MGAM: variants seen among roughly 807,000 people sequenced by gnomAD.
MGAM encodes the protein alpha-1,4-glucosidase.
A neutral mutation model predicts 358.8 loss-of-function variants in MGAM; 253 were observed. That is an observed-to-expected ratio of 0.71 (90% CI 0.64 to 0.78). The LOEUF (loss-of-function observed/expected upper bound fraction) is 0.78, where lower values mean the gene tolerates loss of function less well. Ranked by LOEUF, MGAM falls within the 30% of genes least tolerant of loss-of-function variation. The pLI, the probability that MGAM is intolerant of heterozygous loss-of-function variation, is 0.00. For missense variants in MGAM, 3,080 were observed against 3,432.6 expected (o/e 0.90, Z 2.57); for synonymous variants, 1,105 against 1,227.1 (o/e 0.90, Z 2.08).
chr7:142,050,176 A>T, intron 22 of MGAM, 59 bp from the exon 23 acceptor site: 1 of 1,548,034 alleles, frequency 6.5e-7, no homozygotes, highest in Non-Finnish European at 8.9e-7. Context: ...TGGTAGGGTG[A>T]AATCTGTTCT....
In MGAM at chr7:142,099,815, C is replaced by A. The variant is rs551996606; in HGVS notation, c.7874+78C>A. On this transcript the variant is annotated intron_variant, in intron 67 of 70. Coordinates refer to ENST00000475668, the MANE Select transcript of MGAM (RefSeq NM_001365693.1). ...GTAATGAAGTCCACCAAAATGTAAG[C>A]ATCACTCTCAAACCCACATGCAATT... 5.7e-5 allele frequency: 89 copies of A among 1,557,220 alleles called. 1 individual carries two copies. The African/African-American group carries it at 1.1e-3, about 19-fold the overall frequency.
intron 68 of MGAM, 148 bp from the exon 69 acceptor site, chr7:142,102,482 A>T: frequency 1.4e-6 from 1 of 736,942 alleles, no homozygotes; most frequent in Non-Finnish European, 2.2e-6. Flanking sequence ...TTTAAAATAG[A>T]ACACTCAAAA....
chr7:142,010,911 C>T (rs961226080), intron 3 of MGAM, among the ~76,000 whole-genome samples: 7 of 152,108 alleles, frequency 4.6e-5, no homozygotes, highest in East Asian at 1.9e-4. Flanking sequence ...AATTCCAGAA[C>T]GCAGAGTTGA....
intron 10 of MGAM, 60 bp downstream of exon 10, chr7:142,027,795 A>C (rs77930853): frequency 0.045 from 64,708 of 1,432,654 alleles, 1,675 homozygotes; most frequent in Non-Finnish European, 0.052. Context: ...GAAAAAGAAA[A>C]ACTGTTTATA....
chr7:142,035,130 T>A (rs1554465389), intron 16 of MGAM, among the ~76,000 whole-genome samples: 1 of 152,186 alleles, frequency 6.6e-6, no homozygotes, highest in African/African-American at 2.4e-5. Context: ...AGAACACAGC[T>A]GATGAATTTC....
intron 21 of MGAM, among the ~76,000 whole-genome samples, chr7:142,045,437 T>G (rs1810094216): frequency 1.8e-5 from 2 of 111,934 alleles, no homozygotes; most frequent in Non-Finnish European, 3.3e-5. Flanking sequence ...ACATGATATA[T>G]TATATATACC....
chr7:142,021,020 A>G lies in MGAM; in HGVS notation c.495A>G (p.Gly165=), dbSNP rs782642185. Residue 165 remains glycine (G), a synonymous_variant, in exon 5 of 71, where the codon GGA becomes GGG. Coordinates refer to ENST00000475668, the MANE Select transcript of MGAM (RefSeq NM_001365693.1). ...ATCTGCCTTCTTCACCAGTGTTTGG[A>G]AGCAATGTTGACAATGTTCTTCTCA... The part of the protein sequence containing the change: ...LKNLPSSPVF[G]SNVDNVLLTA... 1.7e-5 allele frequency: 28 copies of G among 1,613,746 alleles called. No individual in the cohort carries two copies. The highest frequency in any genetic ancestry group is 2.4e-5 in the Non-Finnish European group (28 of 1,179,764).
Position 142,076,440 on chromosome 7 carries a change from T to C in MGAM, c.5325+188T>C. On this transcript the variant is annotated intron_variant, in intron 46 of 70. Coordinates refer to ENST00000475668, the MANE Select transcript of MGAM (RefSeq NM_001365693.1). The stretch of plus-strand genomic sequence containing the variant: ...GCATTAATATAGCAAGTAGTGTTTC[T>C]AAATATAGTTTTTAATTATCTGTGT... 10 of 862,070 alleles carry C rather than the reference T, an allele frequency of 1.2e-5. 1 individual carries two copies. Among genetic ancestry groups the C allele is most frequent in the African/African-American group, 4.9e-5 (3 of 60,898 alleles). 53.4% of individuals were successfully genotyped at this position (862,070 alleles called of 1,614,324 possible). A position where few individuals can be genotyped will look rare whatever the true frequency, so the allele number is the denominator to read the frequency against.
intron 21 of MGAM, among the ~76,000 whole-genome samples, chr7:142,045,356 C>CCTATAAT (rs1810062805): frequency 1.6e-5 from 1 of 61,364 alleles, no homozygotes; most frequent in Non-Finnish European, 3.2e-5. Context: ...CCCTATAATA[C>CCTATAAT]ATGATATATA....
Position 142,092,536 on chromosome 7 carries a change from T to C in MGAM, c.6961T>C (p.Ser2321Pro). 1 of 1,548,840 alleles carries C rather than the reference T, an allele frequency of 6.5e-7. No individual in the cohort carries two copies. The highest frequency in any genetic ancestry group is 8.9e-7 in the Non-Finnish European group (1 of 1,128,944). Reference protein sequence around the residue: ...DGMWIDMNEPSSFVNGAVSPG... With the variant: ...DGMWIDMNEPPSFVNGAVSPG... Reference sequence around the variant, plus strand: ...GCATTTCTAGGATATGAATGAACCATCAAGCTTCGTGAATGGGGCAGTTTC... The same window carrying C: ...GCATTTCTAGGATATGAATGAACCACCAAGCTTCGTGAATGGGGCAGTTTC... The change falls in exon 59 of 71, where the codon TCA becomes CCA. Residue 2321 changes from serine to proline, a missense_variant. This residue lies in a region of MGAM where 932 missense variants were observed against 1,198.2 expected (regional missense o/e 0.78). Transcript: ENST00000475668.
At chr7:142,095,191 G>C (rs78176531) in intron 63 of MGAM, among the ~76,000 whole-genome samples, 2,712 of 152,098 alleles carry the variant, frequency 0.018, 63 homozygotes, top group African/African-American at 0.062. Flanking sequence ...TCTCGAACTC[G>C]TGGCCTCAGT....
intron 53 of MGAM, 35 bp from the exon 54 acceptor site, chr7:142,084,484 G>C (rs1814590870): frequency 6.5e-7 from 1 of 1,547,482 alleles, no homozygotes; most frequent in Non-Finnish European, 8.9e-7. Flanking sequence ...TGGTGTCTCT[G>C]TTCTGAGGAC....
chr7:142,041,382 C>T (rs1009917847), intron 21 of MGAM, among the ~76,000 whole-genome samples: 2 of 152,052 alleles, frequency 1.3e-5, no homozygotes, highest in African/African-American at 4.8e-5. Context: ...TTGAACCTCT[C>T]TTACTGCTTT....
At chr7:142,041,235 T>C (rs11763459) in intron 21 of MGAM, among the ~76,000 whole-genome samples, 75,532 of 151,998 alleles carry the variant, frequency 0.5, 20,183 homozygotes, top group Middle Eastern at 0.61. Flanking sequence ...TTCCTTTATA[T>C]GTAATTGATT....
intron 34 of MGAM, among the ~76,000 whole-genome samples, chr7:142,061,560 C>G (rs960114016): frequency 6.6e-6 from 1 of 152,070 alleles, no homozygotes; most frequent in Non-Finnish European, 1.5e-5. Flanking sequence ...GGGTTCCTAC[C>G]TGCCCTTTAT....
chr7:142,032,742 G>C, intron 13 of MGAM, 83 bp from the exon 14 acceptor site: 1 of 781,028 alleles, frequency 1.3e-6, no homozygotes, highest in South Asian at 1.8e-5. Flanking sequence ...TAATTTATCT[G>C]ATTAATTAAA....
rs550933256 is a variant in MGAM, at chr7:142,067,217, A to G, written c.4920-124A>G. The stretch of plus-strand genomic sequence containing the variant: ...GCTCCTGATGAAGCTAGGCCTAGGA[A>G]CAAAGCAAGGATGGCTCAGGGGCAG... On this transcript the variant is annotated intron_variant, in intron 41 of 70. Coordinates refer to ENST00000475668, the MANE Select transcript of MGAM (RefSeq NM_001365693.1). 960 of 953,492 alleles carry G rather than the reference A, an allele frequency of 1.0e-3. 111 individuals carry two copies. The highest frequency in any genetic ancestry group is 9.2e-4 in the Non-Finnish European group (565 of 611,534). 59.1% of individuals were successfully genotyped at this position (953,492 alleles called of 1,614,324 possible). A position where few individuals can be genotyped will look rare whatever the true frequency, so the allele number is the denominator to read the frequency against.
intron 3 of MGAM, among the ~76,000 whole-genome samples, chr7:142,016,924 C>G (rs1584921690): frequency 6.6e-6 from 1 of 152,280 alleles, no homozygotes; most frequent in East Asian, 1.9e-4. Context: ...CCTTTACTTT[C>G]AGGGCTTTTG....
intron 24 of MGAM, 133 bp downstream of exon 24, chr7:142,050,997 C>A: frequency 8.4e-7 from 1 of 1,193,286 alleles, no homozygotes. Context: ...AGTGAGAGGG[C>A]TGGGGAAAAA....
Sources: allele counts gnomAD v4.1 joint callset (sites outside exome capture counted in the v4.1 genomes callset), GRCh38; gene constraint gnomAD v4.1.1; regional missense constraint gnomAD v4.1.1; transcripts MANE v1.5; gene names NCBI Gene and HGNC (gene_info 2026-07-23, HGNC 2026-07-21).